PRKN: variants seen among roughly 807,000 people sequenced by gnomAD.
PRKN encodes E3 ubiquitin-protein ligase parkin.
Under a neutral mutation model 59.5 loss-of-function variants are expected in PRKN, and 56 were observed. The ratio of observed to expected loss-of-function variants is 0.94; its 90% CI spans 0.76 to 1.18. The LOEUF is 1.18. Ranked by LOEUF, PRKN falls within the 50% of genes most tolerant of loss-of-function variation. The pLI, the probability that PRKN is intolerant of heterozygous loss-of-function variation, is 0.00. For missense variants in PRKN, 657 were observed against 596.4 expected, an observed-to-expected ratio of 1.10 and a Z score of -1.06; for synonymous variants, 250 against 222.1, an observed-to-expected ratio of 1.13 and a Z score of -1.12.
chr6:162,573,016 T>C (rs1469130556), intron 1 of PRKN, among the ~76,000 whole-genome samples: 1 of 152,216 alleles, frequency 6.6e-6, no homozygotes, highest in Non-Finnish European at 1.5e-5. Flanking sequence ...TTGCCAGACA[T>C]ACAGAATATC....
rs541670474 is a variant in PRKN, at chr6:161,445,067, C to T, written c.1084-58190G>A. ...CTCTGGATTCCAAGAGTAGACTGGG[C>T]TTCAGGGACCAGATGCCAGGGCTGG... On this transcript the variant is annotated intron_variant, in intron 9 of 11. Coordinates refer to ENST00000366898, the MANE Select transcript of PRKN (RefSeq NM_004562.3). This position sits in a 1 kb window ranked among gnomAD's most constrained non-coding sequence, Gnocchi z 7.7. Among the ~76,000 whole-genome samples, 75 of 152,230 alleles carry T rather than the reference C, an allele frequency of 4.9e-4. No homozygotes were observed. The highest frequency in any genetic ancestry group is 1.7e-3 in the African/African-American group (71 of 41,536).
At chr6:162,050,425 T>C (rs1415595718) in intron 5 of PRKN, among the ~76,000 whole-genome samples, 2 of 152,168 alleles carry the variant, frequency 1.3e-5, no homozygotes, top group African/African-American at 4.8e-5. Flanking sequence ...TGTGCCATTT[T>C]TGTGTGCACT....
chr6:162,084,825 T>C lies in PRKN; in HGVS notation c.535-30651A>G, dbSNP rs138472473. On this transcript the variant is annotated intron_variant, in intron 4 of 11. Transcript: ENST00000366898. ...TAAGGCAATTATGATCCAAGCAAAG[T>C]TCAATTATAAAATAGGTAATGATAA... Among the ~76,000 whole-genome samples, 249 of 151,952 alleles carry C rather than the reference T, an allele frequency of 1.6e-3. 3 individuals carry two copies. Among genetic ancestry groups the C allele is most frequent in the Admixed American group, 0.014 (215 of 15,268 alleles).
chr6:162,215,105 CT>C (rs373249333), intron 3 of PRKN, among the ~76,000 whole-genome samples: 7 of 152,122 alleles, frequency 4.6e-5, no homozygotes, highest in African/African-American at 1.7e-4. Flanking sequence ...TGTAAATCCC[CT>C]CCCCCTAAAT....
intron 1 of PRKN, among the ~76,000 whole-genome samples, chr6:162,610,701 A>G (rs1248271835): frequency 6.6e-6 from 1 of 152,164 alleles, no homozygotes; most frequent in Non-Finnish European, 1.5e-5. Context: ...TTTTCAAAAC[A>G]GATTATATTG....
At chr6:161,890,240 TC>T (rs1795293076) in intron 6 of PRKN, among the ~76,000 whole-genome samples, 2 of 152,214 alleles carry the variant, frequency 1.3e-5, no homozygotes, top group African/African-American at 4.8e-5. Flanking sequence ...TTTTTCAAAA[TC>T]AGATTTATTT....
chr6:161,994,796 T>C (rs895238551), intron 5 of PRKN, among the ~76,000 whole-genome samples: 25 of 151,648 alleles, frequency 1.6e-4, no homozygotes, highest in Non-Finnish European at 1.5e-4. Context: ...AAAACACTGA[T>C]GAAAGAAATT....
Position 161,538,274 on chromosome 6 carries a change from C to T in PRKN, c.1083+10580G>A, listed in dbSNP as rs777513896. 1.3e-5 allele frequency among the ~76,000 whole-genome samples: 2 copies of T among 152,136 alleles called. No individual in the cohort carries two copies. The highest frequency in any genetic ancestry group is 2.9e-5 in the Non-Finnish European group (2 of 68,028). On this transcript the variant is annotated intron_variant, in intron 9 of 11. Coordinates refer to ENST00000366898, the MANE Select transcript of PRKN (RefSeq NM_004562.3). This position sits in a 1 kb window ranked among gnomAD's most constrained non-coding sequence, Gnocchi z 4.2. ...GTTCAAGAATGGGCAAACAGACAGG[C>T]AAGGGTTATACATTTGACCTGGGCC...
chr6:162,556,149 T>G (rs952748682), intron 1 of PRKN, among the ~76,000 whole-genome samples: 5 of 151,952 alleles, frequency 3.3e-5, no homozygotes, highest in Non-Finnish European at 7.4e-5. Flanking sequence ...CCCCTAAGTT[T>G]GTCACTATTT....
intron 9 of PRKN, among the ~76,000 whole-genome samples, chr6:161,478,416 G>C (rs1295806223): frequency 6.6e-6 from 1 of 152,106 alleles, no homozygotes; most frequent in Non-Finnish European, 1.5e-5. Context: ...AAGTAGATAG[G>C]ACATACAGTA....
intron 6 of PRKN, among the ~76,000 whole-genome samples, chr6:161,865,042 A>T (rs1794059130): frequency 6.6e-6 from 1 of 152,218 alleles, no homozygotes; most frequent in South Asian, 2.1e-4. Flanking sequence ...TAGAAGTCAA[A>T]AAAACTTCTT....
intron 7 of PRKN, among the ~76,000 whole-genome samples, chr6:161,602,612 C>G (rs1029177136): frequency 6.6e-6 from 1 of 152,208 alleles, no homozygotes; most frequent in Non-Finnish European, 1.5e-5. Context: ...TCTCTGTAGA[C>G]TGCTGGACTG....
rs150164746 is a variant in PRKN at position 161,552,519 on chromosome 6, T to C, written c.934-3516A>G. Among the ~76,000 whole-genome samples, 49 of 147,664 alleles carry C rather than the reference T, an allele frequency of 3.3e-4. 3 individuals carry two copies. Among genetic ancestry groups the C allele is most frequent in the African/African-American group, 1.3e-3 (47 of 37,326 alleles). ...CAAGCCCCTCTCCCTCAGCTCTGCA[T>C]CACCGAACTGCTCAACCTACTTTTT... is the stretch of plus-strand genomic sequence containing the variant. On this transcript the variant is annotated intron_variant, in intron 8 of 11. Transcript: ENST00000366898. The surrounding 1 kb of genome is among the most constrained non-coding windows in gnomAD (Gnocchi z 4.9).
chr6:161,704,578 A>C (rs1222142941), intron 7 of PRKN, among the ~76,000 whole-genome samples: 2 of 152,036 alleles, frequency 1.3e-5, no homozygotes, highest in African/African-American at 4.8e-5. Flanking sequence ...GGCTTTACAA[A>C]CTGTCAAATA....
chr6:162,176,154 T>C (rs1016375746), intron 4 of PRKN, among the ~76,000 whole-genome samples: 1 of 152,102 alleles, frequency 6.6e-6, no homozygotes, highest in Non-Finnish European at 1.5e-5. Flanking sequence ...TATAAAAGTA[T>C]CAGCAGAGGG....
At chr6:162,528,495 A>C (rs1778382328) in intron 1 of PRKN, among the ~76,000 whole-genome samples, 1 of 148,772 alleles carries the variant, frequency 6.7e-6, no homozygotes, top group African/African-American at 2.4e-5. Flanking sequence ...ATTACTTAGA[A>C]GATTCTATTC....
chr6:161,622,060 A>C (rs990337533), intron 7 of PRKN, among the ~76,000 whole-genome samples: 11 of 151,988 alleles, frequency 7.2e-5, no homozygotes, highest in Non-Finnish European at 1.5e-5. Context: ...GGTACCTGTT[A>C]GGCCCCCCGT....
chr6:162,614,305 T>C (rs1243033520), intron 1 of PRKN, among the ~76,000 whole-genome samples: 1 of 152,070 alleles, frequency 6.6e-6, no homozygotes, highest in African/African-American at 2.4e-5. Flanking sequence ...GGGTAAGTCA[T>C]GAGGGGGAAG....
chr6:162,009,559 G>C (rs1459027748), intron 5 of PRKN, among the ~76,000 whole-genome samples: 1 of 151,816 alleles, frequency 6.6e-6, no homozygotes, highest in African/African-American at 2.4e-5. Flanking sequence ...CTCAAACACA[G>C]ACTCGGAGGT....
Sources: gnomAD v4.1 joint callset for allele counts (sites outside exome capture counted in the v4.1 genomes callset) on GRCh38, gnomAD v4.1.1 for gene constraint, Gnocchi (gnomAD v3.1) non-coding constraint, MANE v1.5 for transcripts, NCBI Gene and HGNC (gene_info 2026-07-23, HGNC 2026-07-21) for gene names.